The following DDX60 variants were observed in gnomAD, a reference collection of about 807,000 sequenced individuals.
The protein encoded by DDX60 is DExD/H-box helicase 60.
In DDX60, 165 loss-of-function variants were observed where a neutral mutation model predicts 212.8. The observed-to-expected ratio is 0.78, with a 90% CI of 0.68 to 0.88. The LOEUF (loss-of-function observed/expected upper bound fraction) is 0.88. Ranked by LOEUF, DDX60 falls within the 40% of genes least tolerant of loss-of-function variation. The probability of loss-of-function intolerance (pLI) is 0.00; values close to 1 mark genes in which losing one functional copy is unlikely to be tolerated. For synonymous variants in DDX60, 703 were observed against 685.3 expected, an observed-to-expected ratio of 1.03 and a Z score of -0.40; for missense variants, 1,905 against 2,003.9, an observed-to-expected ratio of 0.95 and a Z score of 0.94.
intron 34 of DDX60, 76 bp downstream of exon 34, chr4:168,225,453 C>A (rs1437201487): frequency 7.1e-7 from 1 of 1,408,468 alleles, no homozygotes; most frequent in African/African-American, 1.5e-5. Context: ...TTCCACTCTT[C>A]TTCCAGAATA....
At chr4:168,220,526 G>A in intron 37 of DDX60, 129 bp downstream of exon 37, 2 of 563,108 alleles carry the variant, frequency 3.6e-6, no homozygotes, top group Non-Finnish European at 6.3e-6. Flanking sequence ...TTGGGGAGTT[G>A]AAATGCATAG....
intron 10 of DDX60, 28 bp downstream of exon 10, chr4:168,287,020 A>G (rs1371810137): frequency 4.5e-6 from 7 of 1,558,460 alleles, no homozygotes; most frequent in Non-Finnish European, 5.2e-6. Flanking sequence ...TAATGCTTTC[A>G]TTTCAGATTA....
At chr4:168,305,943 C>A (rs1736855742) in intron 5 of DDX60, among the ~76,000 whole-genome samples, 1 of 152,052 alleles carries the variant, frequency 6.6e-6, no homozygotes, top group African/African-American at 2.4e-5. Context: ...TTGCCTAATT[C>A]CATGCATTTC....
chr4:168,241,426 T>C (rs1290536254), intron 30 of DDX60, among the ~76,000 whole-genome samples: 2 of 152,182 alleles, frequency 1.3e-5, no homozygotes. Flanking sequence ...AAAGACTTCT[T>C]GAATGGCTTT....
intron 12 of DDX60, 129 bp from the exon 13 acceptor site, chr4:168,283,735 T>C: frequency 1.5e-6 from 1 of 674,334 alleles, no homozygotes; most frequent in Non-Finnish European, 2.4e-6. Context: ...TTATCTTTCT[T>C]AAAGAGAGAA....
rs1736967525 is a variant in DDX60, at chr4:168,308,082, T to C, written c.188A>G (p.His63Arg). The C allele has an allele frequency of 6.2e-7, 1 of 1,612,172 alleles. No individual in the cohort carries two copies. The highest frequency in any genetic ancestry group is 8.5e-7 in the Non-Finnish European group (1 of 1,179,492). ...ATAGCGTTCAACCAGATAGAAGAAA[T>C]GGAGGTTCTGCCCAGGCTTAAATGA... Reference protein sequence around the residue: ...EISFKPGQNLHFFYLVERYLV... With the variant: ...EISFKPGQNLRFFYLVERYLV... Residue 63 changes from histidine (H) to arginine (R), a missense_variant, in exon 4 of 38, where the codon CAT becomes CGT. Physicochemically the swap from His to Arg is conservative, Grantham distance 29. Transcript: ENST00000393743.
upstream of DDX60, among the ~76,000 whole-genome samples, chr4:168,320,993 A>G (rs896748633): frequency 1.3e-5 from 2 of 152,172 alleles, no homozygotes; most frequent in Non-Finnish European, 2.9e-5. Context: ...TTTTGCTTAA[A>G]TTATAAAGTT....
intron 1 of DDX60, among the ~76,000 whole-genome samples, chr4:168,313,224 A>C (rs1238579187): frequency 6.6e-6 from 1 of 152,192 alleles, no homozygotes; most frequent in Non-Finnish European, 1.5e-5. Flanking sequence ...ACAGGTTGAA[A>C]AGATGATGAA....
chr4:168,249,960 T>C (rs1189964085), intron 28 of DDX60, among the ~76,000 whole-genome samples: 3 of 152,188 alleles, frequency 2.0e-5, no homozygotes, highest in Admixed American at 6.5e-5. Context: ...ATATATGTCA[T>C]ACAAAATTCA....
intron 25 of DDX60, 23 bp from the exon 26 acceptor site, chr4:168,255,892 C>T (rs886563876): frequency 6.4e-7 from 1 of 1,562,860 alleles, no homozygotes; most frequent in African/African-American, 1.4e-5. Context: ...AGAATGTGCG[C>T]CTTGAAAATA....
intron 10 of DDX60, 27 bp downstream of exon 10, chr4:168,287,021 T>C: frequency 6.4e-7 from 1 of 1,562,410 alleles, no homozygotes; most frequent in Non-Finnish European, 8.7e-7. Context: ...AATGCTTTCA[T>C]TTCAGATTAA....
At chr4:168,293,762 C>A in intron 7 of DDX60, 25 bp downstream of exon 7, 14 of 1,558,238 alleles carry the variant, frequency 9.0e-6, no homozygotes, top group Non-Finnish European at 1.2e-5. Flanking sequence ...AATAGTATTT[C>A]TCAGTAAAGT....
Position 168,272,102 on chromosome 4 carries a change from G to A in DDX60, c.2611C>T (p.Leu871=). 6.3e-7 allele frequency: 1 copy of A among 1,586,174 alleles called. No individual in the cohort carries two copies. Among genetic ancestry groups the A allele is most frequent in the Non-Finnish European group, 8.6e-7 (1 of 1,163,384 alleles). ...ITVPACFEIL[L]LAPHRQNWVK... ...CAGTTTTGGCGATGAGGAGCAAGCA[G>A]CAGAATTTCAAAGCAGGCAGGCACT... The change falls in exon 19 of 38, where the codon CTG becomes TTG. Residue 871 remains leucine (L), a synonymous_variant. Coordinates refer to ENST00000393743, the MANE Select transcript of DDX60 (RefSeq NM_017631.6).
chr4:168,300,566 T>G (rs1018730040), intron 6 of DDX60, among the ~76,000 whole-genome samples: 1 of 149,414 alleles, frequency 6.7e-6, no homozygotes. Flanking sequence ...ACGATCTATG[T>G]GTTTAACACC....
chr4:168,230,909 G>T (rs1355202646), intron 33 of DDX60, among the ~76,000 whole-genome samples: 1 of 151,734 alleles, frequency 6.6e-6, no homozygotes, highest in East Asian at 1.9e-4. Flanking sequence ...ACTAAAAGCT[G>T]GTTCTTTGAA....
At chr4:168,234,802 C>T (rs1015165660) in intron 33 of DDX60, among the ~76,000 whole-genome samples, 1 of 151,962 alleles carries the variant, frequency 6.6e-6, no homozygotes, top group South Asian at 2.1e-4. Context: ...TTCACAAGAG[C>T]GAATGCCCCC....
chr4:168,240,366 G>A (rs1733796377), intron 30 of DDX60, among the ~76,000 whole-genome samples: 1 of 152,140 alleles, frequency 6.6e-6, no homozygotes, highest in South Asian at 2.1e-4. Context: ...TGGACAGAAA[G>A]AATCAATATT....
the DDX60 span, among the ~76,000 whole-genome samples, chr4:168,325,935 A>T: frequency 6.6e-6 from 1 of 152,186 alleles, no homozygotes; most frequent in Non-Finnish European, 1.5e-5. Context: ...TTCTTGGGTA[A>T]GCAGCTTCTG....
intron 1 of DDX60, among the ~76,000 whole-genome samples, chr4:168,316,591 G>A (rs1337528169): frequency 2.0e-5 from 3 of 152,044 alleles, no homozygotes; most frequent in Non-Finnish European, 2.9e-5. Flanking sequence ...CTGCACCATC[G>A]CATTACCAAA....
Sources: allele counts gnomAD v4.1 joint callset (sites outside exome capture counted in the v4.1 genomes callset), GRCh38; gene constraint gnomAD v4.1.1; transcripts MANE v1.5; gene names NCBI Gene and HGNC (gene_info 2026-07-23, HGNC 2026-07-21).